Variants in PHACTR1 observed in about 807,000 individuals in gnomAD.
PHACTR1 encodes phosphatase and actin regulator 1.
In PHACTR1, 16 loss-of-function variants were observed where a neutral mutation model predicts 69.2. The observed-to-expected ratio is 0.23, with a 90% CI of 0.16 to 0.35. The LOEUF (loss-of-function observed/expected upper bound fraction) is 0.35, where lower values mean the gene tolerates loss of function less well. PHACTR1 is among the 10% of genes least tolerant of loss of function. The pLI is 1.00. For missense variants in PHACTR1, 510 were observed against 734.7 expected (o/e 0.69, Z 3.54); for synonymous variants, 312 against 284.5 (o/e 1.10, Z -0.97).
At chr6:13,119,030 C>T (rs1818250196) in intron 5 of PHACTR1, among the ~76,000 whole-genome samples, 1 of 152,190 alleles carries the variant, frequency 6.6e-6, no homozygotes, top group Admixed American at 6.5e-5. Context: ...GGTTTCATCT[C>T]GCCTTATTAG....
chr6:13,211,240 C>A (rs1456208707), intron 8 of PHACTR1, among the ~76,000 whole-genome samples: 1 of 151,978 alleles, frequency 6.6e-6, no homozygotes, highest in Non-Finnish European at 1.5e-5. Flanking sequence ...TACACTGTAC[C>A]CAGTGTGTAG....
At chr6:13,258,979 G>A (rs528600203) in intron 10 of PHACTR1, among the ~76,000 whole-genome samples, 3 of 152,268 alleles carry the variant, frequency 2.0e-5, no homozygotes, top group South Asian at 2.1e-4. Context: ...CATAATACAC[G>A]CAGGGATGGT....
intron 7 of PHACTR1, among the ~76,000 whole-genome samples, chr6:13,192,266 A>G (rs926260951): frequency 3.9e-5 from 6 of 152,252 alleles, no homozygotes; most frequent in South Asian, 2.1e-4. Context: ...AAAAAGCATC[A>G]TTAAGGAGGA....
At chr6:12,732,722 C>T (rs1763706553) in intron 3 of PHACTR1, among the ~76,000 whole-genome samples, 1 of 152,134 alleles carries the variant, frequency 6.6e-6, no homozygotes, top group Non-Finnish European at 1.5e-5. Context: ...AAATCAAGCT[C>T]CTCAGATTTA....
At chr6:12,978,103 C>T (rs1293983754) in intron 4 of PHACTR1, among the ~76,000 whole-genome samples, 1 of 152,128 alleles carries the variant, frequency 6.6e-6, no homozygotes, top group Admixed American at 6.5e-5. Context: ...TATTTCCTTC[C>T]ATCTCTAGAA....
At chr6:13,175,039 GTC>G (rs1761135301) in intron 6 of PHACTR1, among the ~76,000 whole-genome samples, 1 of 152,092 alleles carries the variant, frequency 6.6e-6, no homozygotes, top group Non-Finnish European at 1.5e-5. Context: ...CTTCCTCCCT[GTC>G]TCTCTGCTGT....
intron 7 of PHACTR1, among the ~76,000 whole-genome samples, chr6:13,195,774 A>T (rs1289668569): frequency 7.1e-6 from 1 of 140,200 alleles, no homozygotes; most frequent in East Asian, 3.2e-4. Flanking sequence ...AAAAAAAAAA[A>T]AAAAAAGTTC....
intron 5 of PHACTR1, among the ~76,000 whole-genome samples, chr6:13,121,169 C>T (rs765742552): frequency 4.1e-4 from 63 of 152,098 alleles, no homozygotes; most frequent in Admixed American, 1.7e-3. Context: ...ATAGGGGAAG[C>T]GATGCCAGCA....
intron 4 of PHACTR1, among the ~76,000 whole-genome samples, chr6:12,802,312 C>T (rs1417614991): frequency 3.3e-5 from 5 of 151,680 alleles, no homozygotes; most frequent in South Asian, 2.1e-4. Flanking sequence ...GTTCATACTC[C>T]TCATTGGCAA....
intron 4 of PHACTR1, among the ~76,000 whole-genome samples, chr6:12,791,497 C>T (rs1236046654): frequency 1.3e-5 from 2 of 152,128 alleles, no homozygotes; most frequent in Admixed American, 6.5e-5. Flanking sequence ...GTGAAGAAGC[C>T]AGTCCTTCAG....
chr6:13,004,737 G>A (rs1298811803), intron 4 of PHACTR1, among the ~76,000 whole-genome samples: 1 of 152,022 alleles, frequency 6.6e-6, no homozygotes, highest in Non-Finnish European at 1.5e-5. Flanking sequence ...CAAAGTTCTG[G>A]ACGGCAGCAT....
chr6:12,944,937 C>G (rs1338396860), intron 4 of PHACTR1, among the ~76,000 whole-genome samples: 2 of 152,110 alleles, frequency 1.3e-5, no homozygotes, highest in African/African-American at 4.8e-5. Context: ...CACCCGCCAC[C>G]ACGCCTGGCT....
Position 13,053,400 on chromosome 6 carries a change from G to A in PHACTR1, c.286G>A (p.Asp96Asn), listed in dbSNP as rs1806276883. Residue 96 changes from aspartate to asparagine, a missense_variant, in exon 5 of 15, where the codon GAC becomes AAC. This residue lies in a region of PHACTR1 where 419 missense variants were observed against 530.9 expected (regional missense o/e 0.79). Coordinates refer to ENST00000332995, the MANE Select transcript of PHACTR1 (RefSeq NM_030948.6). Reference sequence around the variant, plus strand: ...GGAGAGGCTGGCGGCGATGCGTTCTGACTCCCTCGTCCCAGGCACCCACAC... The same window carrying A: ...GGAGAGGCTGGCGGCGATGCGTTCTAACTCCCTCGTCCCAGGCACCCACAC... The part of the protein sequence containing the change: ...EVERLAAMRS[D>N]SLVPGTHTPP... 2.5e-6 allele frequency: 4 copies of A among 1,612,900 alleles called. No individual in the cohort carries two copies. Among genetic ancestry groups the A allele is most frequent in the Non-Finnish European group, 3.4e-6 (4 of 1,179,568 alleles).
chr6:13,132,854 C>T (rs923864326), intron 5 of PHACTR1, among the ~76,000 whole-genome samples: 4 of 152,028 alleles, frequency 2.6e-5, no homozygotes, highest in Non-Finnish European at 5.9e-5. Flanking sequence ...GTTGGGGCGG[C>T]TGTGGCAATT....
chr6:13,072,205 T>G (rs1456800619), intron 5 of PHACTR1, among the ~76,000 whole-genome samples: 3 of 152,176 alleles, frequency 2.0e-5, no homozygotes, highest in African/African-American at 7.2e-5. Context: ...TCACATCTGT[T>G]TCCAGTAGTT....
At chr6:13,166,036 C>A (rs1759756586) in intron 6 of PHACTR1, among the ~76,000 whole-genome samples, 1 of 152,190 alleles carries the variant, frequency 6.6e-6, no homozygotes, top group Non-Finnish European at 1.5e-5. Flanking sequence ...CTCTCTTCAT[C>A]CCTCCTACAA....
intron 5 of PHACTR1, among the ~76,000 whole-genome samples, chr6:13,109,823 A>G (rs7750032): frequency 8.1e-4 from 110 of 136,322 alleles, no homozygotes; most frequent in Non-Finnish European, 1.1e-3. Flanking sequence ...CCTCTGTTCA[A>G]TTTTTTCAGC....
intron 4 of PHACTR1, among the ~76,000 whole-genome samples, chr6:12,840,007 A>T (rs1351415461): frequency 1.3e-5 from 2 of 152,170 alleles, no homozygotes; most frequent in African/African-American, 2.4e-5. Flanking sequence ...CAGAGTTTTT[A>T]TGTAGGTGTC....
intron 4 of PHACTR1, among the ~76,000 whole-genome samples, chr6:12,833,033 G>T (rs1205643157): frequency 6.6e-6 from 1 of 152,094 alleles, no homozygotes; most frequent in African/African-American, 2.4e-5. Flanking sequence ...TGAGGAGACA[G>T]TCTCAATTGT....
Sources: allele counts gnomAD v4.1 joint callset (sites outside exome capture counted in the v4.1 genomes callset), GRCh38; gene constraint gnomAD v4.1.1; regional missense constraint gnomAD v4.1.1; transcripts MANE v1.5; gene names NCBI Gene and HGNC (gene_info 2026-07-23, HGNC 2026-07-21).